Variants in ABHD2 observed in about 807,000 individuals in gnomAD.
The protein encoded by ABHD2 is abhydrolase domain containing 2, acylglycerol lipase.
ABHD2 carries 20 observed loss-of-function variants against 48.1 expected under a neutral mutation model. The observed-to-expected ratio is 0.42, with a 90% CI of 0.29 to 0.60. The LOEUF (loss-of-function observed/expected upper bound fraction) is 0.60. Among genes scored for constraint, ABHD2 ranks in the 20% least tolerant of loss-of-function variants. The probability of loss-of-function intolerance (pLI) is 0.24; values close to 1 mark genes in which losing one functional copy is unlikely to be tolerated. For synonymous variants in ABHD2, 209 were observed against 214.2 expected, an observed-to-expected ratio of 0.98 and a Z score of 0.21; for missense variants, 405 against 550.9, an observed-to-expected ratio of 0.74 and a Z score of 2.65.
rs1181999625 is a variant in ABHD2, at chr15:89,176,985, C to T, written c.722+990C>T. Among the ~76,000 whole-genome samples the T allele has an allele frequency of 1.3e-5, 2 of 152,140 alleles. No homozygotes were observed. Among genetic ancestry groups the T allele is most frequent in the Admixed American group, 1.3e-4 (2 of 15,268 alleles). ...GCCATCTATATTATTTCTAAAAATA[C>T]ATATTACTGGAATTTAAAGCCAGCA... is the stretch of plus-strand genomic sequence containing the variant. On this transcript the variant is annotated intron_variant, in intron 6 of 10. Coordinates refer to ENST00000352732, the MANE Select transcript of ABHD2 (RefSeq NM_152924.5). This position sits in a 1 kb window ranked among gnomAD's most constrained non-coding sequence, Gnocchi z 4.5.
chr15:89,111,421 C>G lies in ABHD2; in HGVS notation c.-106-2304C>G, dbSNP rs564750494. Among the ~76,000 whole-genome samples the G allele has an allele frequency of 2.6e-5, 4 of 152,310 alleles. No homozygotes were observed. In the East Asian group the frequency reaches 7.7e-4, roughly 29 times the overall value. ...GCTCATTCTCTCATGTAAAAGAAGT[C>G]CTGAGATAGGCAGTCTAGATCTGAT... is the stretch of plus-strand genomic sequence containing the variant. On this transcript the variant is annotated intron_variant, in intron 1 of 10. Coordinates refer to ENST00000352732, the MANE Select transcript of ABHD2 (RefSeq NM_152924.5).
At chr15:89,133,216 G>A (rs2050247373) in intron 3 of ABHD2, among the ~76,000 whole-genome samples, 2 of 152,286 alleles carry the variant, frequency 1.3e-5, no homozygotes, top group South Asian at 2.1e-4. Context: ...TTTGTCCATA[G>A]GAGTGCTGAA....
intron 3 of ABHD2, among the ~76,000 whole-genome samples, chr15:89,131,844 C>G (rs2050224499): frequency 6.6e-6 from 1 of 152,018 alleles, no homozygotes; most frequent in Non-Finnish European, 1.5e-5. Flanking sequence ...CTAGCACCCT[C>G]CAGAGTAGGA....
chr15:89,041,035 A>G, the ABHD2 span, among the ~76,000 whole-genome samples: 1 of 152,216 alleles, frequency 6.6e-6, no homozygotes, highest in Admixed American at 6.5e-5. Flanking sequence ...AGGCTTGAAA[A>G]GTGCCTACCC....
intron 5 of ABHD2, among the ~76,000 whole-genome samples, chr15:89,157,881 G>T (rs1408698983): frequency 1.3e-5 from 2 of 151,928 alleles, no homozygotes; most frequent in Admixed American, 1.3e-4. Context: ...TGAATGTCCA[G>T]ATTTACAGAT....
intron 1 of ABHD2, among the ~76,000 whole-genome samples, chr15:89,099,408 T>C (rs2049664931): frequency 6.6e-6 from 1 of 152,012 alleles, no homozygotes; most frequent in East Asian, 1.9e-4. Context: ...GAGACCAGCC[T>C]GGAAAACATA....
chr15:89,147,119 T>C (rs2050504804), intron 3 of ABHD2, among the ~76,000 whole-genome samples: 1 of 152,110 alleles, frequency 6.6e-6, no homozygotes, highest in African/African-American at 2.4e-5. Flanking sequence ...AATCTAAATA[T>C]TTAATTGAGA....
At chr15:89,067,530 G>T in the ABHD2 span, among the ~76,000 whole-genome samples, 1 of 152,148 alleles carries the variant, frequency 6.6e-6, no homozygotes, top group East Asian at 1.9e-4. Flanking sequence ...TTAGATTGTG[G>T]TGTGGCAGGG....
chr15:89,087,100 C>T (rs1014781261), upstream of ABHD2: 1 of 152,218 alleles, frequency 6.6e-6, no homozygotes, highest in African/African-American at 2.4e-5. This position sits in a 1 kb window ranked among gnomAD's most constrained non-coding sequence, Gnocchi z 5.5. Flanking sequence ...TCTGTCCACA[C>T]TCTGTGATGT....
At chr15:89,071,097 AAAG>A in the ABHD2 span, among the ~76,000 whole-genome samples, 1 of 152,052 alleles carries the variant, frequency 6.6e-6, no homozygotes, top group Non-Finnish European at 1.5e-5. Flanking sequence ...TCAAGAGGTC[AAAG>A]AAGAGACCCA....
In ABHD2 at chr15:89,175,216, T is replaced by C. The variant is rs148405792; in HGVS notation, c.539-596T>C. On this transcript the variant is annotated intron_variant, in intron 5 of 10. Transcript: ENST00000352732. This position sits in a 1 kb window ranked among gnomAD's most constrained non-coding sequence, Gnocchi z 5.7. ...CAAAGGATTTTGCTCTTGCATTTAT[T>C]TATTTATTTACTTATTTTATTTTTT... 1.1e-3 allele frequency among the ~76,000 whole-genome samples: 174 copies of C among 152,260 alleles called. 4 individuals are homozygous for C. The highest frequency in any genetic ancestry group is 8.3e-3 in the East Asian group (43 of 5,182).
intron 3 of ABHD2, among the ~76,000 whole-genome samples, chr15:89,127,724 T>TATATATATATATAC (rs1555428256): frequency 5.7e-5 from 4 of 70,712 alleles, no homozygotes; most frequent in African/African-American, 1.9e-4. Flanking sequence ...TATATACACA[T>TATATATATATATAC]ATATATATAT....
chr15:89,082,717 A>G (rs1381141096), upstream of ABHD2: 1 of 151,866 alleles, frequency 6.6e-6, no homozygotes, highest in Non-Finnish European at 1.5e-5. The surrounding 1 kb of genome is among the most constrained non-coding windows in gnomAD (Gnocchi z 4.4). Context: ...CCACCTAGGA[A>G]TGAATGGGAC....
At chr15:89,089,739 C>T (rs552457468) in intron 1 of ABHD2, among the ~76,000 whole-genome samples, 1 of 152,232 alleles carries the variant, frequency 6.6e-6, no homozygotes, top group Non-Finnish European at 1.5e-5. Flanking sequence ...CTTCACTACC[C>T]TCTGTCATTT....
chr15:89,042,742 G>A, the ABHD2 span, among the ~76,000 whole-genome samples: 1 of 151,834 alleles, frequency 6.6e-6, no homozygotes, highest in Non-Finnish European at 1.5e-5. Flanking sequence ...TGCCTCCCGG[G>A]TTCAAGTGAC....
At chr15:89,083,168 T>C (rs1432425028), upstream of ABHD2, among the ~76,000 whole-genome samples, 2 of 152,166 alleles carry the variant, frequency 1.3e-5, no homozygotes, top group Middle Eastern at 3.2e-3. This position sits in a 1 kb window ranked among gnomAD's most constrained non-coding sequence, Gnocchi z 5.1. Flanking sequence ...TTTTGTTTTT[T>C]TGTGGGTTTT....
chr15:89,166,246 A>G lies in ABHD2; in HGVS notation c.539-9566A>G, dbSNP rs547588072. ...TGAGCCTTCTAAGAACTTAGTACCC[A>G]TCTCCCACCAAAACACCAAGCTGGG... On this transcript the variant is annotated intron_variant, in intron 5 of 10. Transcript: ENST00000352732. This position sits in a 1 kb window ranked among gnomAD's most constrained non-coding sequence, Gnocchi z 4.6. 1.3e-5 allele frequency among the ~76,000 whole-genome samples: 2 copies of G among 152,330 alleles called. No individual in the cohort carries two copies. Among genetic ancestry groups the G allele is most frequent in the African/African-American group, 4.8e-5 (2 of 41,562 alleles).
At chr15:89,187,472 C>A (rs2051229336) in intron 7 of ABHD2, among the ~76,000 whole-genome samples, 7 of 152,162 alleles carry the variant, frequency 4.6e-5, no homozygotes, top group Admixed American at 4.6e-4. Flanking sequence ...CATAATAAAT[C>A]CTTCCTACCG....
intron 3 of ABHD2, among the ~76,000 whole-genome samples, chr15:89,132,772 G>A (rs1036709520): frequency 6.6e-6 from 1 of 152,154 alleles, no homozygotes; most frequent in African/African-American, 2.4e-5. Context: ...TGCTTTAGTA[G>A]GACTTTCTAG....
Sources: allele counts gnomAD v4.1 joint callset (sites outside exome capture counted in the v4.1 genomes callset), GRCh38; gene constraint gnomAD v4.1.1; non-coding constraint Gnocchi (gnomAD v3.1); transcripts MANE v1.5; gene names NCBI Gene and HGNC (gene_info 2026-07-23, HGNC 2026-07-21).